Variants in CLSTN2 observed in about 807,000 individuals in gnomAD.
CLSTN2 encodes calsyntenin 2.
CLSTN2 carries 48 observed loss-of-function variants against 101.2 expected under a neutral mutation model. The ratio of observed to expected loss-of-function variants is 0.47; its 90% CI spans 0.38 to 0.60. The LOEUF (loss-of-function observed/expected upper bound fraction) is 0.60. Among genes scored for constraint, CLSTN2 ranks in the 20% least tolerant of loss-of-function variants. The pLI, the probability that CLSTN2 is intolerant of heterozygous loss-of-function variation, is 0.00. For missense variants in CLSTN2, 1,160 were observed against 1,238.2 expected (o/e 0.94, Z 0.95); for synonymous variants, 481 against 463.6 (o/e 1.04, Z -0.48).
chr3:140,185,885 G>A (rs1028401738), intron 2 of CLSTN2, among the ~76,000 whole-genome samples: 4 of 152,152 alleles, frequency 2.6e-5, no homozygotes, highest in Non-Finnish European at 5.9e-5. Context: ...AGTGGTCCTG[G>A]TTGTCATATT....
chr3:140,453,097 A>C (rs567272903), intron 6 of CLSTN2: 1 of 152,360 alleles, frequency 6.6e-6, no homozygotes, highest in South Asian at 2.1e-4. Context: ...ATGGCCCTAC[A>C]TCACTACGTA....
chr3:140,294,102 C>A (rs2065198681), intron 2 of CLSTN2, among the ~76,000 whole-genome samples: 1 of 152,178 alleles, frequency 6.6e-6, no homozygotes, highest in African/African-American at 2.4e-5. Context: ...TCTTGGGTTA[C>A]AGCATGTTAT....
intron 2 of CLSTN2, among the ~76,000 whole-genome samples, chr3:140,291,785 A>T (rs1232565436): frequency 6.6e-6 from 1 of 151,986 alleles, no homozygotes; most frequent in Non-Finnish European, 1.5e-5. Context: ...TCCCTCAGTC[A>T]TCCGTGTCTG....
At chr3:140,227,928 C>A (rs1260377863) in intron 2 of CLSTN2, among the ~76,000 whole-genome samples, 1 of 152,176 alleles carries the variant, frequency 6.6e-6, no homozygotes, top group East Asian at 1.9e-4. Context: ...CTGGGCCTGG[C>A]CCACAAAACC....
chr3:140,399,664 A>G (rs2088219538), intron 2 of CLSTN2, among the ~76,000 whole-genome samples: 1 of 152,246 alleles, frequency 6.6e-6, no homozygotes, highest in Non-Finnish European at 1.5e-5. Flanking sequence ...CAGTATAAAT[A>G]CTACACAAAA....
chr3:140,381,962 A>G (rs2087990314), intron 2 of CLSTN2, among the ~76,000 whole-genome samples: 1 of 152,228 alleles, frequency 6.6e-6, no homozygotes, highest in Non-Finnish European at 1.5e-5. Flanking sequence ...CTTTTATGCT[A>G]CCAACTTCTC....
intron 2 of CLSTN2, among the ~76,000 whole-genome samples, chr3:140,214,847 A>G (rs1480822501): frequency 6.6e-6 from 1 of 152,242 alleles, no homozygotes; most frequent in Non-Finnish European, 1.5e-5. Flanking sequence ...CTGTTTTCTT[A>G]CACTTTGGAA....
intron 5 of CLSTN2, among the ~76,000 whole-genome samples, chr3:140,447,074 C>T (rs1933098283): frequency 6.6e-6 from 1 of 152,174 alleles, no homozygotes; most frequent in South Asian, 2.1e-4. Flanking sequence ...CTCCAGTGGC[C>T]CATTGGGAAC....
chr3:140,324,018 A>G (rs1373948029), intron 2 of CLSTN2, among the ~76,000 whole-genome samples: 2 of 152,262 alleles, frequency 1.3e-5, no homozygotes, highest in Admixed American at 6.5e-5. Flanking sequence ...CCAAAGAAGA[A>G]TAGATCTCTG....
chr3:140,321,936 C>G lies in CLSTN2; in HGVS notation c.233-81693C>G, dbSNP rs368568752. On this transcript the variant is annotated intron_variant, in intron 2 of 16. Coordinates refer to ENST00000458420, the MANE Select transcript of CLSTN2 (RefSeq NM_022131.3). ...AGCCTTGTGTAGTACAGGATCAGCA[C>G]TTGGACCAGAGCATCCTCAGCTGGT... is the stretch of plus-strand genomic sequence containing the variant. Among the ~76,000 whole-genome samples, 85 of 152,320 alleles carry G rather than the reference C, an allele frequency of 5.6e-4. No homozygotes were observed. The South Asian group carries it at 0.018, about 32-fold the overall frequency.
chr3:140,347,605 G>C (rs996335882), intron 2 of CLSTN2, among the ~76,000 whole-genome samples: 1 of 152,208 alleles, frequency 6.6e-6, no homozygotes, highest in Non-Finnish European at 1.5e-5. Flanking sequence ...AACAGGGAAT[G>C]AGCCATCCTA....
chr3:140,429,494 T>C lies in CLSTN2; in HGVS notation c.787+8220T>C, dbSNP rs534903295. 2.6e-5 allele frequency among the ~76,000 whole-genome samples: 4 copies of C among 152,068 alleles called. No individual in the cohort carries two copies. In the East Asian group the frequency reaches 7.8e-4, roughly 29 times the overall value. On this transcript the variant is annotated intron_variant, in intron 5 of 16. Coordinates refer to ENST00000458420, the MANE Select transcript of CLSTN2 (RefSeq NM_022131.3). ...AGGTGTTAGGTAGGAAGGAGCACAA[T>C]GTGGCTGGATCAGAGGGAAGAAGAC...
At chr3:139,958,134 A>C (rs1320405435) in intron 1 of CLSTN2, among the ~76,000 whole-genome samples, 3 of 152,118 alleles carry the variant, frequency 2.0e-5, no homozygotes, top group Non-Finnish European at 2.9e-5. Context: ...CAACTCTCAT[A>C]CAGGAGGCCA....
In CLSTN2 at chr3:140,448,545, C is replaced by A. The variant is rs995748303; in HGVS notation, c.814C>A (p.Pro272Thr). The change falls in exon 6 of 17, where the codon CCT (proline) becomes ACT (threonine). Residue 272 changes from proline to threonine, a missense_variant. Transcript: ENST00000458420. ...CTGGACCAAGAGGATTGAGTACCAG[C>A]CTGGCTCCGGGAGCATGCCCCTGTT... ...QDWTKRIEYQPGSGSMPLFPS... is the reference protein window; with the variant it reads ...QDWTKRIEYQTGSGSMPLFPS... The A allele has an allele frequency of 1.9e-6, 3 of 1,613,922 alleles. No individual in the cohort carries two copies. Among genetic ancestry groups the A allele is most frequent in the Non-Finnish European group, 2.5e-6 (3 of 1,179,974 alleles).
chr3:140,483,624 C>T (rs1015187310), intron 8 of CLSTN2, among the ~76,000 whole-genome samples: 4 of 152,052 alleles, frequency 2.6e-5, no homozygotes, highest in African/African-American at 9.7e-5. Context: ...AATCTGGGTG[C>T]TCCTGTATTG....
intron 2 of CLSTN2, among the ~76,000 whole-genome samples, chr3:140,282,704 T>C (rs1204019380): frequency 1.3e-5 from 2 of 152,136 alleles, no homozygotes; most frequent in Non-Finnish European, 2.9e-5. Flanking sequence ...AACCAACTTA[T>C]AGAGTGGCCT....
At chr3:140,443,625 A>T (rs931243644) in intron 5 of CLSTN2, among the ~76,000 whole-genome samples, 1 of 152,248 alleles carries the variant, frequency 6.6e-6, no homozygotes, top group Non-Finnish European at 1.5e-5. Flanking sequence ...TAAGAAAAAA[A>T]TTGAACCACA....
chr3:140,453,623 C>A (rs568831432), intron 6 of CLSTN2, among the ~76,000 whole-genome samples: 1 of 152,056 alleles, frequency 6.6e-6, no homozygotes, highest in Non-Finnish European at 1.5e-5. Context: ...AATGTTCTCA[C>A]CCCCAAAGAA....
At chr3:140,105,650 G>C (rs2009043754) in intron 1 of CLSTN2, among the ~76,000 whole-genome samples, 1 of 152,194 alleles carries the variant, frequency 6.6e-6, no homozygotes, top group Non-Finnish European at 1.5e-5. Flanking sequence ...TGGGGAGTGT[G>C]AGGCAGGGTG....
Sources: allele counts gnomAD v4.1 joint callset (sites outside exome capture counted in the v4.1 genomes callset), GRCh38; gene constraint gnomAD v4.1.1; transcripts MANE v1.5; gene names NCBI Gene and HGNC (gene_info 2026-07-23, HGNC 2026-07-21).